The following PUM1 variants were observed in gnomAD, a reference collection of about 807,000 sequenced individuals.
The protein encoded by PUM1 is pumilio homolog 1.
In PUM1, 13 loss-of-function variants were observed where a neutral mutation model predicts 131.8. The observed-to-expected ratio is 0.10, with a 90% CI of 0.06 to 0.16. PUM1 has a LOEUF of 0.16. Ranked by LOEUF, PUM1 falls within the 10% of genes least tolerant of loss-of-function variation. The pLI is 1.00. For missense variants in PUM1, 961 were observed against 1,512.4 expected (o/e 0.64, Z 6.05); for synonymous variants, 509 against 556.5 (o/e 0.91, Z 1.20).
chr1:31,012,797 G>A (rs916445540), intron 3 of PUM1, among the ~76,000 whole-genome samples: 10 of 152,010 alleles, frequency 6.6e-5, no homozygotes, highest in Non-Finnish European at 1.3e-4. Context: ...CATGGATTAA[G>A]ACAATAAAAA....
chr1:31,038,984 A>ATATATTTTTTTT, intron 2 of PUM1, among the ~76,000 whole-genome samples: 16 of 49,408 alleles, frequency 3.2e-4, no homozygotes, highest in Non-Finnish European at 2.7e-4. Flanking sequence ...ATATATATAT[A>ATATATTTTTTTT]TTTTTTTTTT....
intron 3 of PUM1, among the ~76,000 whole-genome samples, chr1:31,013,967 T>A (rs558940294): frequency 1.3e-5 from 2 of 152,306 alleles, no homozygotes; most frequent in African/African-American, 4.8e-5. Flanking sequence ...CATTCCTGGT[T>A]AGCGTAATTC....
chr1:31,044,710 T>C (rs554796682), intron 2 of PUM1, among the ~76,000 whole-genome samples: 2 of 152,300 alleles, frequency 1.3e-5, no homozygotes, highest in Admixed American at 1.3e-4. Flanking sequence ...GGAGTCTTGC[T>C]CTTGTCCCCC....
At chr1:31,053,357 A>AG (rs1644158448) in intron 2 of PUM1, among the ~76,000 whole-genome samples, 1 of 144,564 alleles carries the variant, frequency 6.9e-6, no homozygotes, top group Non-Finnish European at 1.5e-5. Flanking sequence ...AAAAAAAAAA[A>AG]TTTTTTTCAT....
rs1293208111 is a variant in PUM1 at position 30,954,001 on chromosome 1, A to G, written c.2324-20T>C. On this transcript the variant is annotated intron_variant, in intron 14 of 21. Transcript: ENST00000426105. ...GTCCTCCTGTTGGTTACAGAACAGG[A>G]TAACTTAAGACCACTCTTCAGCAAC... is the stretch of plus-strand genomic sequence containing the variant. 1 of 1,609,316 alleles carries G rather than the reference A, an allele frequency of 6.2e-7. No homozygotes were observed. The highest frequency in any genetic ancestry group is 2.2e-5 in the East Asian group (1 of 44,784).
intron 2 of PUM1, among the ~76,000 whole-genome samples, chr1:31,041,333 TC>T (rs1643806628): frequency 6.7e-6 from 1 of 150,330 alleles, no homozygotes; most frequent in African/African-American, 2.4e-5. Context: ...CACCTTGGCC[TC>T]CCAAAGTGCT....
Position 30,950,276 on chromosome 1 carries a change from T to C in PUM1, c.2722-15A>G. The C allele has an allele frequency of 6.2e-7, 1 of 1,610,658 alleles. No individual in the cohort carries two copies. The highest frequency in any genetic ancestry group is 8.5e-7 in the Non-Finnish European group (1 of 1,178,704). On this transcript the variant is annotated splice_polypyrimidine_tract_variant and intron_variant, in intron 16 of 21. Transcript: ENST00000426105. ...AGACTGCCAAACTAGACATAATGTGTGGGTAAACACCATTACTTAAGTAGA... is the reference window on the plus strand; with the variant it reads ...AGACTGCCAAACTAGACATAATGTGCGGGTAAACACCATTACTTAAGTAGA...
intron 5 of PUM1, among the ~76,000 whole-genome samples, chr1:31,005,582 T>C (rs1208984708): frequency 1.3e-5 from 2 of 152,166 alleles, no homozygotes; most frequent in Admixed American, 6.5e-5. Context: ...CCAATGAACT[T>C]TGATCCAGAT....
intron 21 of PUM1, 45 bp downstream of exon 21, chr1:30,936,598 A>C (rs1455033002): frequency 1.3e-6 from 2 of 1,545,182 alleles, no homozygotes; most frequent in East Asian, 2.3e-5. Context: ...AAAGGAAGCC[A>C]AGGCCTTGCA....
intron 17 of PUM1, among the ~76,000 whole-genome samples, chr1:30,949,642 T>A (rs1175610969): frequency 6.6e-6 from 1 of 152,048 alleles, no homozygotes; most frequent in Non-Finnish European, 1.5e-5. Flanking sequence ...CAGGTGTTAG[T>A]CATCTCTGTG....
intron 5 of PUM1, among the ~76,000 whole-genome samples, chr1:31,005,311 C>T (rs1383669598): frequency 6.6e-6 from 1 of 152,070 alleles, no homozygotes; most frequent in Non-Finnish European, 1.5e-5. Flanking sequence ...TTAACAGAAT[C>T]CCTAATTTCT....
At chr1:31,004,948 A>G (rs758770750) in intron 5 of PUM1, among the ~76,000 whole-genome samples, 4 of 152,224 alleles carry the variant, frequency 2.6e-5, no homozygotes, top group Non-Finnish European at 4.4e-5. Flanking sequence ...TCAGCCCAAA[A>G]TGACTGCAGG....
intron 14 of PUM1, among the ~76,000 whole-genome samples, chr1:30,954,216 T>C (rs1036221166): frequency 6.6e-6 from 1 of 152,214 alleles, no homozygotes; most frequent in Non-Finnish European, 1.5e-5. Flanking sequence ...GATGGTAGAC[T>C]GCTAGTAAGG....
chr1:31,041,714 G>A (rs1643821276), intron 2 of PUM1, among the ~76,000 whole-genome samples: 1 of 152,158 alleles, frequency 6.6e-6, no homozygotes, highest in South Asian at 2.1e-4. Flanking sequence ...CTTCTGCCAT[G>A]AGTAAAAGTG....
chr1:31,060,403 G>A (rs1005581307), intron 1 of PUM1, among the ~76,000 whole-genome samples: 1 of 152,056 alleles, frequency 6.6e-6, no homozygotes, highest in Non-Finnish European at 1.5e-5. Flanking sequence ...AAAGGTTGCA[G>A]TGAGCCGAGA....
chr1:31,005,729 T>A, intron 5 of PUM1, 124 bp downstream of exon 5: 1 of 905,756 alleles, frequency 1.1e-6, no homozygotes, highest in East Asian at 2.6e-5. Flanking sequence ...GAAAATACCC[T>A]GTAATTAATG....
chr1:31,059,004 T>C (rs1212433901), intron 2 of PUM1, among the ~76,000 whole-genome samples, 200 bp downstream of exon 2: 1 of 152,152 alleles, frequency 6.6e-6, no homozygotes, highest in Non-Finnish European at 1.5e-5. Context: ...AATGAATGAA[T>C]TGGCTATTTA....
chr1:30,936,034 C>T (rs1328875650), intron 21 of PUM1, among the ~76,000 whole-genome samples: 1 of 135,370 alleles, frequency 7.4e-6, no homozygotes, highest in Admixed American at 8.0e-5. Flanking sequence ...AGCACCTAAG[C>T]ATTCTCATTT....
chr1:31,017,757 A>G (rs1484209404), intron 3 of PUM1, among the ~76,000 whole-genome samples: 1 of 152,154 alleles, frequency 6.6e-6, no homozygotes, highest in Non-Finnish European at 1.5e-5. Context: ...AGCAATAAGA[A>G]GAGGGTGAAA....
Sources: gnomAD v4.1 joint callset for allele counts (sites outside exome capture counted in the v4.1 genomes callset) on GRCh38, gnomAD v4.1.1 for gene constraint, MANE v1.5 for transcripts, NCBI Gene and HGNC (gene_info 2026-07-23, HGNC 2026-07-21) for gene names.